The following PDE3A variants were observed in gnomAD, a reference collection of about 807,000 sequenced individuals.
The protein encoded by PDE3A is phosphodiesterase 3A, also known as cGMP-inhibited 3',5'-cyclic phosphodiesterase 3A.
In PDE3A, 43 loss-of-function variants were observed where a neutral mutation model predicts 98.3. The ratio of observed to expected loss-of-function variants is 0.44; its 90% confidence interval spans 0.34 to 0.56. The LOEUF (loss-of-function observed/expected upper bound fraction) is 0.56, where lower values mean the gene tolerates loss of function less well. PDE3A is among the 20% of genes least tolerant of loss of function. The pLI is 0.01. For missense variants in PDE3A, 1,427 were observed against 1,440.7 expected, an observed-to-expected ratio of 0.99 and a Z score of 0.15; for synonymous variants, 663 against 567.9, an observed-to-expected ratio of 1.17 and a Z score of -2.38.
chr12:20,411,314 C>CA (rs574464598), intron 1 of PDE3A, among the ~76,000 whole-genome samples: 184 of 152,218 alleles, frequency 1.2e-3, no homozygotes, highest in African/African-American at 3.8e-3. Context: ...CTTCCTTTAC[C>CA]AAGCCTCTGG....
At chr12:20,603,038 C>T (rs190067751) in intron 2 of PDE3A, among the ~76,000 whole-genome samples, 12 of 152,230 alleles carry the variant, frequency 7.9e-5, no homozygotes, top group African/African-American at 1.9e-4. Context: ...CGGACAGCCT[C>T]CCAGAGAAAG....
rs74066418 is a variant in PDE3A, at chr12:20,461,893, A to G, written c.960+91649A>G. 5.4e-3 allele frequency among the ~76,000 whole-genome samples: 817 copies of G among 152,314 alleles called. 9 individuals carry two copies. Among genetic ancestry groups the G allele is most frequent in the African/African-American group, 0.019 (783 of 41,566 alleles). On this transcript the variant is annotated intron_variant, in intron 1 of 15. Transcript: ENST00000359062. ...TTATCTCTCTGCAGTGTATCAGAAT[A>G]TAAATAGTATTAGAAGGTTTTAAAA...
At chr12:20,611,241 T>TA (rs11370464) in intron 2 of PDE3A, among the ~76,000 whole-genome samples, 141,112 of 151,730 alleles carry the variant, frequency 0.93, 65,726 homozygotes, top group East Asian at 1. Context: ...ACCCTATAGA[T>TA]ACAAATATGA....
At position 20,633,769 on chromosome 12, in the gene PDE3A, A is replaced by C. The variant is rs147064962; in HGVS notation, c.1837A>C (p.Ser613Arg). 1 of 1,584,458 alleles carries C rather than the reference A, an allele frequency of 6.3e-7. No individual in the cohort carries two copies. Among genetic ancestry groups the C allele is most frequent in the Non-Finnish European group, 8.6e-7 (1 of 1,158,300 alleles). The change falls in exon 7 of 16, where the codon AGT (serine) becomes CGT (arginine). Residue 613 changes from serine to arginine, a missense_variant. Physicochemically the swap from Ser to Arg is moderately radical, Grantham distance 110. Around this residue, in one of 3 missense-constraint regions of PDE3A, gnomAD observed 1,012 missense variants for 886.5 expected, o/e 1.14. Transcript: ENST00000359062. Reference protein sequence around the residue: ...ERSGVATRTPSRTDDTAQVTS... With the variant: ...ERSGVATRTPRRTDDTAQVTS... The stretch of plus-strand genomic sequence containing the variant: ...AAGTGGGGTAGCCACTCGGACACCA[A>C]GTAGAACAGGTAATTCATTGTTTTG...
chr12:20,668,825 A>G (rs986529529), intron 15 of PDE3A, among the ~76,000 whole-genome samples: 7 of 151,904 alleles, frequency 4.6e-5, no homozygotes, highest in African/African-American at 1.7e-4. Context: ...GTTCCTCACC[A>G]GCAACGGAAC....
intron 1 of PDE3A, among the ~76,000 whole-genome samples, chr12:20,553,673 G>A (rs935812015): frequency 2.6e-5 from 4 of 152,154 alleles, no homozygotes; most frequent in African/African-American, 9.7e-5. Context: ...TTGGGGCCAC[G>A]CAGAAATGGC....
chr12:20,397,181 G>A (rs1944034643), intron 1 of PDE3A, among the ~76,000 whole-genome samples: 1 of 152,004 alleles, frequency 6.6e-6, no homozygotes, highest in African/African-American at 2.4e-5. Context: ...AGTACTCTGA[G>A]GTTGATACTG....
chr12:20,666,583 A>C (rs1945318595), intron 15 of PDE3A, among the ~76,000 whole-genome samples: 1 of 152,124 alleles, frequency 6.6e-6, no homozygotes, highest in East Asian at 1.9e-4. Flanking sequence ...CTCCAGTTCC[A>C]TTAATGATGC....
intron 3 of PDE3A, 44 bp downstream of exon 3, chr12:20,613,744 T>G: frequency 6.6e-7 from 1 of 1,514,284 alleles, no homozygotes; most frequent in Non-Finnish European, 9.1e-7. Context: ...AACTATTTTT[T>G]TTAATTGTCT....
intron 1 of PDE3A, among the ~76,000 whole-genome samples, chr12:20,472,812 CTTA>C (rs1322191604): frequency 6.6e-6 from 1 of 152,042 alleles, no homozygotes; most frequent in African/African-American, 2.4e-5. Flanking sequence ...AAGTAAACAG[CTTA>C]TTATCTAAAG....
chr12:20,391,780 T>C (rs1943919405), intron 1 of PDE3A, among the ~76,000 whole-genome samples: 1 of 151,846 alleles, frequency 6.6e-6, no homozygotes, highest in Admixed American at 6.6e-5. Context: ...TCTCCCCTTT[T>C]CCCCTCCTCT....
At chr12:20,616,777 A>G (rs1839538662) in intron 4 of PDE3A, among the ~76,000 whole-genome samples, 1 of 152,156 alleles carries the variant, frequency 6.6e-6, no homozygotes, top group African/African-American at 2.4e-5. Flanking sequence ...TTAGCCTCCC[A>G]CAAGACCAGC....
chr12:20,472,985 A>G (rs565207121), intron 1 of PDE3A, among the ~76,000 whole-genome samples: 1 of 152,210 alleles, frequency 6.6e-6, no homozygotes, highest in South Asian at 2.1e-4. Flanking sequence ...ATATATACAT[A>G]TTGTATGTGA....
chr12:20,588,220 A>G (rs1432466699), intron 2 of PDE3A, among the ~76,000 whole-genome samples: 1 of 152,172 alleles, frequency 6.6e-6, no homozygotes, highest in Non-Finnish European at 1.5e-5. Flanking sequence ...GGAGCCTTTT[A>G]TTACAGCTGT....
chr12:20,544,943 A>G (rs535854854), intron 1 of PDE3A, among the ~76,000 whole-genome samples: 17 of 152,132 alleles, frequency 1.1e-4, no homozygotes, highest in Middle Eastern at 3.4e-3. Flanking sequence ...AACTTCCTCA[A>G]GCTTTAACAT....
intron 4 of PDE3A, among the ~76,000 whole-genome samples, chr12:20,620,321 A>G (rs551458612): frequency 2.0e-5 from 3 of 152,040 alleles, no homozygotes; most frequent in Non-Finnish European, 4.4e-5. Flanking sequence ...ATTTACGTAA[A>G]TTATAGATTG....
At chr12:20,483,101 C>T (rs572439752) in intron 1 of PDE3A, among the ~76,000 whole-genome samples, 2 of 152,068 alleles carry the variant, frequency 1.3e-5, no homozygotes, top group Non-Finnish European at 2.9e-5. Context: ...CTCAAAACTT[C>T]TAAAAGAGGC....
At chr12:20,541,269 T>A (rs1202627292) in intron 1 of PDE3A, among the ~76,000 whole-genome samples, 1 of 151,574 alleles carries the variant, frequency 6.6e-6, no homozygotes, top group Non-Finnish European at 1.5e-5. Flanking sequence ...GGCTAATTTT[T>A]AAAATATTTT....
intron 1 of PDE3A, among the ~76,000 whole-genome samples, chr12:20,436,576 T>C (rs1944782336): frequency 6.6e-6 from 1 of 152,192 alleles, no homozygotes; most frequent in South Asian, 2.1e-4. Flanking sequence ...TGGGAGTTTA[T>C]CAGGAGACAT....
Sources: allele counts gnomAD v4.1 joint callset (sites outside exome capture counted in the v4.1 genomes callset), GRCh38; gene constraint gnomAD v4.1.1; regional missense constraint gnomAD v4.1.1; transcripts MANE v1.5; gene names NCBI Gene and HGNC (gene_info 2026-07-23, HGNC 2026-07-21).